Variants in COL18A1 observed in about 807,000 individuals in gnomAD.
COL18A1 encodes collagen alpha-1(XVIII) chain.
In COL18A1, 133 loss-of-function variants were observed where a neutral mutation model predicts 168.0. The observed-to-expected ratio is 0.79, with a 90% confidence interval of 0.69 to 0.91. The LOEUF (loss-of-function observed/expected upper bound fraction) is 0.91. COL18A1 is among the 40% of genes least tolerant of loss of function. The pLI is 0.00. For synonymous variants in COL18A1, 949 were observed against 809.0 expected (o/e 1.17, Z -2.94); for missense variants, 2,126 against 1,925.4 (o/e 1.10, Z -1.95).
chr21:45,452,948 A>G lies in COL18A1; in HGVS notation c.107-15294A>G, dbSNP rs551551619. On this transcript the variant is annotated intron_variant, in intron 2 of 41. Transcript: ENST00000651438. ...ATTCACATGTGACATGTGAGCATGT[A>G]TGTACATGTGTGACCTTGTGTATGC... 2.7e-3 allele frequency among the ~76,000 whole-genome samples: 414 copies of G among 151,682 alleles called. 1 individual carries two copies. The highest frequency in any genetic ancestry group is 4.9e-3 in the Non-Finnish European group (332 of 67,874).
intron 39 of COL18A1, 37 bp from the exon 40 acceptor site, chr21:45,510,027 G>A (rs566863544): frequency 2.7e-4 from 419 of 1,536,388 alleles, no homozygotes; most frequent in African/African-American, 4.5e-4. Flanking sequence ...AGGGGGCAGC[G>A]TGGGACACAG....
chr21:45,480,919 A>G (rs966492614), intron 13 of COL18A1, 61 bp downstream of exon 13: 2 of 1,538,040 alleles, frequency 1.3e-6, no homozygotes, highest in Non-Finnish European at 8.7e-7. Context: ...AGGGGTGAAC[A>G]CCCCACATGG....
intron 17 of COL18A1, among the ~76,000 whole-genome samples, chr21:45,487,977 C>T (rs1602525999): frequency 6.6e-6 from 1 of 152,242 alleles, no homozygotes; most frequent in Non-Finnish European, 1.5e-5. Context: ...CAACTGTGCT[C>T]AGACAGCTCA....
intron 33 of COL18A1, 69 bp from the exon 34 acceptor site, chr21:45,504,344 CGGG>C: frequency 6.7e-7 from 1 of 1,499,568 alleles, no homozygotes; most frequent in Middle Eastern, 1.8e-4. Context: ...AGCCCTGGCT[CGGG>C]GGGATGGGAG....
intron 2 of COL18A1, among the ~76,000 whole-genome samples, chr21:45,445,215 G>T: frequency 6.6e-6 from 1 of 152,216 alleles, no homozygotes; most frequent in East Asian, 1.9e-4. Flanking sequence ...TGGAACGTGT[G>T]GTCGTTTCTG....
rs533430305 is a variant in COL18A1 at position 45,468,600 on chromosome 21, C to T, written c.465C>T (p.Leu155=). 13 of 1,613,806 alleles carry T rather than the reference C, an allele frequency of 8.1e-6. No homozygotes were observed. The East Asian group carries it at 2.9e-4, about 36-fold the overall frequency. Residue 155 remains leucine, a synonymous_variant, in exon 3 of 42, where the codon CTC becomes CTT. Transcript: ENST00000651438. ...CCCACACAGCCGCCAGCTTCCGGCT[C>T]CCCGCCTTCGTCGGCCAGTGGACAC... ...GQTHTAASFR[L]PAFVGQWTHL... is the part of the protein sequence containing the mutation.
Position 45,505,862 on chromosome 21 carries a change from G to A in COL18A1, c.3112G>A (p.Ala1038Thr). 6.2e-7 allele frequency: 1 copy of A among 1,611,216 alleles called. No homozygotes were observed. Among genetic ancestry groups the A allele is most frequent in the Non-Finnish European group, 8.5e-7 (1 of 1,179,730 alleles). ...SGVRLWATRQAMLGQVHEVPE... is the reference protein window; with the variant it reads ...SGVRLWATRQTMLGQVHEVPE... ...GGTGAGGCTCTGGGCTACACGCCAG[G>A]CCATGCTGGGCCAGGTGCACGAGGT... Residue 1038 changes from alanine to threonine, a missense_variant, in exon 37 of 42, where the codon GCC (alanine) becomes ACC (threonine). Physicochemically the swap from Ala to Thr is moderately conservative, Grantham distance 58. Transcript: ENST00000651438.
At chr21:45,507,159 CGGGTGTTGG>C in intron 37 of COL18A1, 1 of 135,426 alleles carries the variant, frequency 7.4e-6, no homozygotes, top group African/African-American at 6.3e-5. Context: ...CTGGGAGGGC[CGGGTGTTGG>C]GGAGGGAGAG....
chr21:45,505,900 G>C lies in COL18A1; in HGVS notation c.3150G>C (p.Trp1050Cys). The change falls in exon 37 of 42, where the codon TGG (tryptophan) becomes TGC (cysteine). Residue 1050 changes from tryptophan (W) to cysteine (C), a missense_variant. By Grantham distance (215) the Trp-to-Cys change is radical. Coordinates refer to ENST00000651438, the MANE Select transcript of COL18A1 (RefSeq NM_001379500.1). The part of the protein sequence containing the change: ...LGQVHEVPEG[W>C]LIFVAEQEEL... Reference sequence around the variant, plus strand: ...AGGTGCACGAGGTTCCCGAGGGCTGGCTCATCTTCGTGGCCGAGCAGGAGG... The same window carrying C: ...AGGTGCACGAGGTTCCCGAGGGCTGCCTCATCTTCGTGGCCGAGCAGGAGG... 6.2e-7 allele frequency: 1 copy of C among 1,612,842 alleles called. No individual in the cohort carries two copies. Among genetic ancestry groups the C allele is most frequent in the Non-Finnish European group, 8.5e-7 (1 of 1,179,966 alleles).
intron 2 of COL18A1, among the ~76,000 whole-genome samples, chr21:45,429,978 C>A (rs1168556982): frequency 6.6e-6 from 1 of 151,410 alleles, no homozygotes; most frequent in Admixed American, 6.6e-5. Context: ...CTCGTCCTCT[C>A]CTGCATGTGC....
chr21:45,456,312 C>G, intron 2 of COL18A1: 1 of 1,552,520 alleles, frequency 6.4e-7, no homozygotes. Flanking sequence ...CGCCTGCGCA[C>G]GCCACTTCTG....
intron 15 of COL18A1, among the ~76,000 whole-genome samples, chr21:45,486,231 C>CCTCTCCT (rs887357867): frequency 1.3e-5 from 2 of 151,656 alleles, no homozygotes; most frequent in African/African-American, 2.4e-5. Flanking sequence ...TCCTGAGCCT[C>CCTCTCCT]CTCTCCTCTC....
At chr21:45,440,543 G>A (rs1048830769) in intron 2 of COL18A1, among the ~76,000 whole-genome samples, 16 of 149,874 alleles carry the variant, frequency 1.1e-4, no homozygotes, top group Non-Finnish European at 2.4e-4. Context: ...TTTGAGCCAC[G>A]TTCCCCGGAA....
At chr21:45,492,258 C>G (rs144065519) in intron 22 of COL18A1, among the ~76,000 whole-genome samples, 1 of 152,186 alleles carries the variant, frequency 6.6e-6, no homozygotes, top group Non-Finnish European at 1.5e-5. Flanking sequence ...CCACCTCCGC[C>G]GGCAAGCAAG....
chr21:45,470,311 A>G (rs935712038), intron 3 of COL18A1, among the ~76,000 whole-genome samples: 6 of 151,936 alleles, frequency 3.9e-5, no homozygotes, highest in African/African-American at 1.2e-4. Context: ...GTGGTTTTCA[A>G]TGGGCCCAAC....
At position 45,497,088 on chromosome 21, in the gene COL18A1, G is replaced by C. The variant is rs2036568723; in HGVS notation, c.2616G>C (p.Leu872Phe). 1.3e-6 allele frequency: 2 copies of C among 1,584,554 alleles called. No individual in the cohort carries two copies. Among genetic ancestry groups the C allele is most frequent in the Admixed American group, 3.3e-5 (2 of 59,990 alleles). Residue 872 changes from leucine (L) to phenylalanine (F), a missense_variant, in exon 31 of 42, where the codon TTG becomes TTC. By Grantham distance (22) the Leu-to-Phe change is conservative (BLOSUM62 0). Coordinates refer to ENST00000651438, the MANE Select transcript of COL18A1 (RefSeq NM_001379500.1). ...AESSRPGPPG[L>F]PGNQGPPGPK... ...CCAGCCGCCCCGGGCCTCCAGGATTGCCAGGTGAGGGTCCTGGGCTCACAG... is the reference window on the plus strand; with the variant it reads ...CCAGCCGCCCCGGGCCTCCAGGATTCCCAGGTGAGGGTCCTGGGCTCACAG...
At chr21:45,490,184 C>T in intron 19 of COL18A1, 91 bp from the exon 20 acceptor site, 1 of 1,081,074 alleles carries the variant, frequency 9.3e-7, no homozygotes, top group South Asian at 1.3e-5. Context: ...AGGCCATCGC[C>T]ACGTCCACGG....
At chr21:45,411,860 A>G (rs1030224059) in intron 2 of COL18A1, among the ~76,000 whole-genome samples, 1 of 151,564 alleles carries the variant, frequency 6.6e-6, no homozygotes, top group Non-Finnish European at 1.5e-5. Context: ...TCTGCGGCCC[A>G]AACGGCCAGG....
Position 45,452,774 on chromosome 21 carries a change from ACT to A in COL18A1, c.107-15467_107-15466del, listed in dbSNP as rs889584274. 1.3e-4 allele frequency among the ~76,000 whole-genome samples: 19 copies of A among 150,668 alleles called. No individual in the cohort carries two copies. In the East Asian group the frequency reaches 2.8e-3, roughly 22 times the overall value. On this transcript the variant is annotated intron_variant, in intron 2 of 41. Coordinates refer to ENST00000651438, the MANE Select transcript of COL18A1 (RefSeq NM_001379500.1). Reference sequence around the variant, plus strand: ...TGATTGTGTATGCATGTGAGTATTCACTGACGTGTGAGCATGCATGTACATAT... The same window carrying A: ...TGATTGTGTATGCATGTGAGTATTCAGACGTGTGAGCATGCATGTACATAT...
Sources: gnomAD v4.1 joint callset for allele counts (sites outside exome capture counted in the v4.1 genomes callset) on GRCh38, gnomAD v4.1.1 for gene constraint, MANE v1.5 for transcripts, NCBI Gene and HGNC (gene_info 2026-07-23, HGNC 2026-07-21) for gene names.